ZC3H12B: variants seen among roughly 807,000 people sequenced by gnomAD.
ZC3H12B encodes the protein probable ribonuclease ZC3H12B.
ZC3H12B carries 7 observed loss-of-function variants against 43.9 expected under a neutral mutation model. The observed-to-expected ratio is 0.16, with a 90% CI of 0.09 to 0.30. The LOEUF is 0.30. Ranked by LOEUF, ZC3H12B falls within the 10% of genes least tolerant of loss-of-function variation. The pLI, the probability that ZC3H12B is intolerant of heterozygous loss-of-function variation, is 1.00. For missense variants in ZC3H12B, 475 were observed against 670.2 expected (o/e 0.71, Z 3.22); for synonymous variants, 222 against 241.7 (o/e 0.92, Z 0.76).
the ZC3H12B span, among the ~76,000 whole-genome samples, chrX:65,132,129 T>C: frequency 9.0e-6 from 1 of 110,695 alleles, no homozygotes; most frequent in East Asian, 2.9e-4. Flanking sequence ...GAAAAAAGCA[T>C]CTTTAAGATC....
chrX:65,212,627 T>G, the ZC3H12B span, among the ~76,000 whole-genome samples: 5 of 86,834 alleles, frequency 5.8e-5, no homozygotes, highest in African/African-American at 2.2e-4. Flanking sequence ...ATATAATATA[T>G]ATAAATATAT....
chrX:65,406,223 T>A (rs2066819101), intron 3 of ZC3H12B, among the ~76,000 whole-genome samples: 1 of 109,294 alleles, frequency 9.1e-6, no homozygotes, highest in Non-Finnish European at 1.9e-5. Flanking sequence ...CTCTGATGAA[T>A]ATCGATGCAA....
At chrX:65,162,786 C>T in the ZC3H12B span, among the ~76,000 whole-genome samples, 1 of 112,473 alleles carries the variant, frequency 8.9e-6, no homozygotes, top group Non-Finnish European at 1.9e-5. Flanking sequence ...CATTCTCTGT[C>T]CAGCTTTGCT....
chrX:65,216,618 C>G, the ZC3H12B span, among the ~76,000 whole-genome samples: 3 of 110,811 alleles, frequency 2.7e-5, no homozygotes, highest in Non-Finnish European at 5.6e-5. Context: ...CAACCCAGTG[C>G]AACACCTGCT....
chrX:65,082,375 G>C, the ZC3H12B span, among the ~76,000 whole-genome samples: 26,700 of 110,577 alleles, frequency 0.24, 7,699 homozygotes, highest in African/African-American at 0.83. Context: ...AAACGTTTAG[G>C]CAAACTAAGA....
chrX:65,140,506 A>G, the ZC3H12B span, among the ~76,000 whole-genome samples: 9,416 of 111,449 alleles, frequency 0.084, 1,048 homozygotes, highest in African/African-American at 0.29. Flanking sequence ...CTAGTATTTC[A>G]TGGAGGACTT....
chrX:65,386,497 C>A (rs912489011), intron 2 of ZC3H12B, among the ~76,000 whole-genome samples: 2 of 111,650 alleles, frequency 1.8e-5, no homozygotes, highest in African/African-American at 6.5e-5. Context: ...GTGATATCCC[C>A]TTTATCATTT....
chrX:65,166,654 CCCA>C, the ZC3H12B span, among the ~76,000 whole-genome samples: 1 of 111,873 alleles, frequency 8.9e-6, no homozygotes, highest in Non-Finnish European at 1.9e-5. Context: ...AGTTTACAGT[CCCA>C]CCAACAATGT....
At chrX:65,395,694 G>C (rs1317088367) in intron 2 of ZC3H12B, among the ~76,000 whole-genome samples, 1 of 111,502 alleles carries the variant, frequency 9.0e-6, no homozygotes, top group Non-Finnish European at 1.9e-5. Context: ...GATGATTCTG[G>C]CCTCATAAAT....
chrX:65,467,712 T>C (rs888645272), intron 3 of ZC3H12B, among the ~76,000 whole-genome samples: 1 of 112,141 alleles, frequency 8.9e-6, no homozygotes, highest in Non-Finnish European at 1.9e-5. Flanking sequence ...TGATGTTGAG[T>C]ATTTTTTCAT....
At chrX:65,407,389 T>C (rs182752378) in intron 3 of ZC3H12B, among the ~76,000 whole-genome samples, 26,647 of 111,401 alleles carry the variant, frequency 0.24, 7,678 homozygotes, top group African/African-American at 0.83. Context: ...CGAGCCGCCT[T>C]CCGGCGCGCC....
At chrX:65,125,600 T>A in the ZC3H12B span, among the ~76,000 whole-genome samples, 2 of 111,533 alleles carry the variant, frequency 1.8e-5, no homozygotes, top group Non-Finnish European at 3.8e-5. Context: ...ATTATTGTGT[T>A]GCCATCTATC....
At chrX:65,263,013 C>T in the ZC3H12B span, among the ~76,000 whole-genome samples, 5 of 110,610 alleles carry the variant, frequency 4.5e-5, no homozygotes, top group Non-Finnish European at 7.6e-5. Context: ...AACCTGAGTT[C>T]ACGTCCTAGA....
chrX:65,393,321 G>A (rs1175139177), intron 2 of ZC3H12B, among the ~76,000 whole-genome samples: 1 of 111,654 alleles, frequency 9.0e-6, no homozygotes. Context: ...TGGGATACAT[G>A]TGCTTAACGT....
At chrX:65,129,308 G>T in the ZC3H12B span, among the ~76,000 whole-genome samples, 8 of 106,245 alleles carry the variant, frequency 7.5e-5, no homozygotes, top group Non-Finnish European at 1.1e-4. Context: ...TATGTCATAT[G>T]CATCCGTGTG....
chrX:65,160,382 A>G, the ZC3H12B span, among the ~76,000 whole-genome samples: 1 of 111,534 alleles, frequency 9.0e-6, no homozygotes, highest in East Asian at 2.8e-4. Flanking sequence ...CTGTGAATCC[A>G]TCTGGTCCTG....
the ZC3H12B span, among the ~76,000 whole-genome samples, chrX:65,174,147 A>T: frequency 6.3e-5 from 7 of 111,060 alleles, no homozygotes; most frequent in Non-Finnish European, 9.4e-5. Flanking sequence ...CCTAATGCCA[A>T]CCAGAGCTCT....
chrX:65,235,343 C>T, the ZC3H12B span, among the ~76,000 whole-genome samples: 7 of 112,070 alleles, frequency 6.2e-5, no homozygotes, highest in Non-Finnish European at 1.3e-4. Flanking sequence ...TCTCCACAAC[C>T]TCACCAGCAT....
intron 3 of ZC3H12B, among the ~76,000 whole-genome samples, chrX:65,449,164 T>A (rs1353913757): frequency 3.7e-5 from 4 of 108,373 alleles, no homozygotes; most frequent in African/African-American, 1.3e-4. Context: ...GAGGGTAGGG[T>A]GAGGAGAGGG....
Sources: gnomAD v4.1 joint callset for allele counts (sites outside exome capture counted in the v4.1 genomes callset) on GRCh38, gnomAD v4.1.1 for gene constraint, MANE v1.5 for transcripts, NCBI Gene and HGNC (gene_info 2026-07-23, HGNC 2026-07-21) for gene names.